DRC11: variants seen among roughly 807,000 people sequenced by gnomAD.
DRC11 encodes dynein regulatory complex subunit 11, also known as IQ and AAA domain-containing protein 1.
chr2:236,500,683 G>A, the DRC11 span, among the ~76,000 whole-genome samples: 1 of 152,160 alleles, frequency 6.6e-6, no homozygotes, highest in Non-Finnish European at 1.5e-5. The surrounding 1 kb of genome is among the most constrained non-coding windows in gnomAD (Gnocchi z 6.3). Context: ...TTGCTATACA[G>A]AAATACCTGA....
At chr2:236,348,289 G>A in the DRC11 span, among the ~76,000 whole-genome samples, 1 of 152,202 alleles carries the variant, frequency 6.6e-6, no homozygotes, top group Non-Finnish European at 1.5e-5. The surrounding 1 kb of genome is among the most constrained non-coding windows in gnomAD (Gnocchi z 7.4). Flanking sequence ...AGAAAATGTA[G>A]GGTGGGCTCA....
chr2:236,323,742 A>G, the DRC11 span, among the ~76,000 whole-genome samples: 1 of 152,192 alleles, frequency 6.6e-6, no homozygotes, highest in East Asian at 1.9e-4. This position sits in a 1 kb window ranked among gnomAD's most constrained non-coding sequence, Gnocchi z 6.4. Flanking sequence ...AGTTAAATTC[A>G]TCCCATCTCA....
At chr2:236,328,763 A>G in the DRC11 span, among the ~76,000 whole-genome samples, 5 of 152,210 alleles carry the variant, frequency 3.3e-5, no homozygotes, top group Non-Finnish European at 5.9e-5. The surrounding 1 kb of genome is among the most constrained non-coding windows in gnomAD (Gnocchi z 6.7). Context: ...AATATAGTTA[A>G]TGAAGTTCGC....
chr2:236,487,466 C>A, the DRC11 span, among the ~76,000 whole-genome samples: 27 of 152,028 alleles, frequency 1.8e-4, no homozygotes, highest in Non-Finnish European at 2.8e-4. Flanking sequence ...TATCACCTTG[C>A]CATCTGCTGT....
chr2:236,467,795 GA>G, the DRC11 span, among the ~76,000 whole-genome samples: 10 of 151,968 alleles, frequency 6.6e-5, no homozygotes, highest in African/African-American at 9.7e-5. Context: ...CAATTACTTG[GA>G]AAAAAACATT....
the DRC11 span, among the ~76,000 whole-genome samples, chr2:236,420,965 T>C: frequency 2.3e-4 from 35 of 152,336 alleles, no homozygotes; most frequent in African/African-American, 7.9e-4. This position sits in a 1 kb window ranked among gnomAD's most constrained non-coding sequence, Gnocchi z 4.8. Flanking sequence ...GGGCATTTAG[T>C]GCTATAAATT....
At chr2:236,423,952 G>GA in the DRC11 span, among the ~76,000 whole-genome samples, 2 of 149,786 alleles carry the variant, frequency 1.3e-5, no homozygotes, top group Admixed American at 6.8e-5. Flanking sequence ...ATCGCAAGGA[G>GA]AAAAAACCAA....
chr2:236,491,105 T>A, the DRC11 span, among the ~76,000 whole-genome samples: 1 of 127,336 alleles, frequency 7.9e-6, no homozygotes, highest in African/African-American at 2.9e-5. Context: ...TGTGTGTGTG[T>A]GTATATATAT....
At chr2:236,497,149 AAC>A in the DRC11 span, 1 of 1,588,190 alleles carries the variant, frequency 6.3e-7, no homozygotes, top group Non-Finnish European at 8.6e-7. This position sits in a 1 kb window ranked among gnomAD's most constrained non-coding sequence, Gnocchi z 5.1. Flanking sequence ...ATAAGAAAAC[AAC>A]AGAGTGCTTA....
the DRC11 span, among the ~76,000 whole-genome samples, chr2:236,375,019 G>A: frequency 2.0e-5 from 3 of 152,040 alleles, no homozygotes; most frequent in Admixed American, 6.6e-5. The surrounding 1 kb of genome is among the most constrained non-coding windows in gnomAD (Gnocchi z 4.2). Flanking sequence ...ACTTTAAAAT[G>A]ACCAGATCTC....
chr2:236,452,808 C>A, the DRC11 span, among the ~76,000 whole-genome samples: 1 of 152,170 alleles, frequency 6.6e-6, no homozygotes, highest in Non-Finnish European at 1.5e-5. This position sits in a 1 kb window ranked among gnomAD's most constrained non-coding sequence, Gnocchi z 4.7. Flanking sequence ...TCTCCTCAGG[C>A]TTGAATCCTA....
chr2:236,311,086 T>TG, the DRC11 span, among the ~76,000 whole-genome samples: 2 of 152,196 alleles, frequency 1.3e-5, no homozygotes, highest in Non-Finnish European at 2.9e-5. This position sits in a 1 kb window ranked among gnomAD's most constrained non-coding sequence, Gnocchi z 6.9. Context: ...CAGGGAGCCT[T>TG]GGGGGTCCCT....
chr2:236,416,426 G>A, the DRC11 span, among the ~76,000 whole-genome samples: 16 of 152,004 alleles, frequency 1.1e-4, no homozygotes, highest in Admixed American at 9.8e-4. Context: ...TGAGTGCCTT[G>A]GTCCTGAAAG....
At chr2:236,470,186 A>G in the DRC11 span, among the ~76,000 whole-genome samples, 3 of 152,188 alleles carry the variant, frequency 2.0e-5, no homozygotes, top group African/African-American at 7.2e-5. The surrounding 1 kb of genome is among the most constrained non-coding windows in gnomAD (Gnocchi z 5.1). Flanking sequence ...AGTAAGAGAA[A>G]ATGGACATTT....
the DRC11 span, chr2:236,344,647 C>T: frequency 1.2e-6 from 2 of 1,611,912 alleles, no homozygotes. Context: ...GAGCCACCTG[C>T]AGAGGAAAAG....
At chr2:236,335,066 A>G in the DRC11 span, among the ~76,000 whole-genome samples, 3 of 152,126 alleles carry the variant, frequency 2.0e-5, no homozygotes, top group Non-Finnish European at 4.4e-5. This position sits in a 1 kb window ranked among gnomAD's most constrained non-coding sequence, Gnocchi z 5.6. Context: ...TTCCTCTACA[A>G]ATCCACCCTT....
At chr2:236,348,805 C>A in the DRC11 span, among the ~76,000 whole-genome samples, 1 of 152,148 alleles carries the variant, frequency 6.6e-6, no homozygotes, top group African/African-American at 2.4e-5. The surrounding 1 kb of genome is among the most constrained non-coding windows in gnomAD (Gnocchi z 7.4). Flanking sequence ...GGCTTATGCA[C>A]AGGTTCCCAA....
the DRC11 span, chr2:236,409,138 C>T: frequency 8.3e-6 from 3 of 360,996 alleles, no homozygotes; most frequent in South Asian, 2.9e-5. Flanking sequence ...ACAGAGTCTC[C>T]CTCTGTTGCC....
the DRC11 span, among the ~76,000 whole-genome samples, chr2:236,502,917 T>G: frequency 6.6e-6 from 1 of 151,888 alleles, no homozygotes; most frequent in Non-Finnish European, 1.5e-5. Context: ...ATTGCACCAC[T>G]GCACTCCAGC....
Sources: allele counts gnomAD v4.1 joint callset (sites outside exome capture counted in the v4.1 genomes callset), GRCh38; gene constraint gnomAD v4.1.1; non-coding constraint Gnocchi (gnomAD v3.1); transcripts MANE v1.5; gene names NCBI Gene and HGNC (gene_info 2026-07-23, HGNC 2026-07-21).